AKAP13: variants seen among roughly 807,000 people sequenced by gnomAD.
AKAP13 encodes A-kinase anchoring protein 13.
In AKAP13, 80 loss-of-function variants were observed where a neutral mutation model predicts 264.5. That is an observed-to-expected ratio of 0.30 (90% CI 0.25 to 0.36). The LOEUF is 0.36. Among genes scored for constraint, AKAP13 ranks in the 10% least tolerant of loss-of-function variants. AKAP13 has a pLI of 1.00. For synonymous variants in AKAP13, 1,380 were observed against 1,250.2 expected, an observed-to-expected ratio of 1.10 and a Z score of -2.19; for missense variants, 3,712 against 3,435.2, an observed-to-expected ratio of 1.08 and a Z score of -2.01.
intron 1 of AKAP13, among the ~76,000 whole-genome samples, chr15:85,400,611 C>T (rs59328213): frequency 0.043 from 6,504 of 152,068 alleles, 448 homozygotes; most frequent in African/African-American, 0.15. Flanking sequence ...CAACTGGTCT[C>T]AGCTATAATA....
chr15:85,507,959 T>C (rs1421291114), intron 2 of AKAP13, among the ~76,000 whole-genome samples: 1 of 152,226 alleles, frequency 6.6e-6, no homozygotes, highest in East Asian at 1.9e-4. Flanking sequence ...GGCAAGGATA[T>C]ATTCCTAAAC....
intron 1 of AKAP13, among the ~76,000 whole-genome samples, chr15:85,423,538 A>G (rs1272747995): frequency 2.6e-5 from 4 of 152,192 alleles, no homozygotes; most frequent in Non-Finnish European, 5.9e-5. Context: ...TCCACTTCCA[A>G]TTCTAATTCT....
At chr15:85,700,727 T>C (rs1295841021) in intron 17 of AKAP13, among the ~76,000 whole-genome samples, 1 of 152,196 alleles carries the variant, frequency 6.6e-6, no homozygotes, top group Non-Finnish European at 1.5e-5. Context: ...CATCAACATA[T>C]CAGCTTTAGC....
intron 2 of AKAP13, among the ~76,000 whole-genome samples, chr15:85,490,469 G>A (rs1436680867): frequency 1.3e-5 from 2 of 152,222 alleles, no homozygotes; most frequent in Non-Finnish European, 2.9e-5. Context: ...TCTTCTCTAA[G>A]AAATTGATTC....
At chr15:85,683,186 T>G (rs1313726992) in intron 15 of AKAP13, among the ~76,000 whole-genome samples, 6 of 152,200 alleles carry the variant, frequency 3.9e-5, no homozygotes, top group Non-Finnish European at 8.8e-5. Flanking sequence ...GCTTATTCTT[T>G]CTCCTTTCTA....
intron 8 of AKAP13, chr15:85,619,781 A>T: frequency 9.3e-7 from 1 of 1,079,094 alleles, no homozygotes; most frequent in Admixed American, 5.1e-5. Flanking sequence ...CTTCTCTTTC[A>T]GTCAAGATCT....
At chr15:85,385,403 A>G (rs1219685324) in intron 1 of AKAP13, among the ~76,000 whole-genome samples, 1 of 152,184 alleles carries the variant, frequency 6.6e-6, no homozygotes, top group Non-Finnish European at 1.5e-5. Flanking sequence ...TATAGTTTAC[A>G]TTCACTAAAA....
At chr15:85,623,584 C>T (rs1027546310) in intron 8 of AKAP13, among the ~76,000 whole-genome samples, 1 of 152,178 alleles carries the variant, frequency 6.6e-6, no homozygotes, top group African/African-American at 2.4e-5. Flanking sequence ...TGTAAGATTT[C>T]CCTGAGGCTG....
chr15:85,542,296 C>G (rs1247925736), intron 4 of AKAP13, among the ~76,000 whole-genome samples: 2 of 152,174 alleles, frequency 1.3e-5, no homozygotes, highest in East Asian at 3.8e-4. Flanking sequence ...CCTTTAAATC[C>G]TGAATTGGTC....
At chr15:85,583,041 A>AT (rs1279378988) in intron 7 of AKAP13, 2 of 985,352 alleles carry the variant, frequency 2.0e-6, no homozygotes, top group African/African-American at 3.5e-5. Context: ...CTGAAACGGG[A>AT]GTCGGACACG....
intron 13 of AKAP13, among the ~76,000 whole-genome samples, chr15:85,668,177 G>A (rs2083710331): frequency 6.6e-6 from 1 of 152,152 alleles, no homozygotes; most frequent in Non-Finnish European, 1.5e-5. Context: ...TTGAAACATA[G>A]CAACTGTTTG....
intron 10 of AKAP13, among the ~76,000 whole-genome samples, chr15:85,652,849 G>T (rs1208475661): frequency 6.6e-6 from 1 of 152,114 alleles, no homozygotes; most frequent in East Asian, 1.9e-4. Flanking sequence ...GTGTCTTTTT[G>T]TGTCTCTTCT....
At chr15:85,733,869 T>TTTTC (rs2088228679) in intron 30 of AKAP13, among the ~76,000 whole-genome samples, 1 of 132,070 alleles carries the variant, frequency 7.6e-6, no homozygotes, top group African/African-American at 2.9e-5. Flanking sequence ...CTTTTCTTTC[T>TTTTC]TTTCTTTTTT....
intron 17 of AKAP13, among the ~76,000 whole-genome samples, chr15:85,706,009 G>T (rs769780495): frequency 1.3e-5 from 2 of 152,136 alleles, no homozygotes; most frequent in Admixed American, 1.3e-4. Context: ...GAAAAACATA[G>T]ATCTACTAAT....
intron 29 of AKAP13, 93 bp from the exon 30 acceptor site, chr15:85,730,420 C>A: frequency 7.4e-7 from 1 of 1,360,416 alleles, no homozygotes; most frequent in Non-Finnish European, 1.0e-6. Context: ...TTGTCACTTT[C>A]CATAAATTAC....
chr15:85,544,482 G>T (rs554831356), intron 5 of AKAP13, among the ~76,000 whole-genome samples: 1 of 152,302 alleles, frequency 6.6e-6, no homozygotes, highest in African/African-American at 2.4e-5. Flanking sequence ...TTCTTCATAT[G>T]AACAGCAATA....
chr15:85,431,358 A>G (rs2073016827), intron 1 of AKAP13, among the ~76,000 whole-genome samples: 1 of 152,118 alleles, frequency 6.6e-6, no homozygotes, highest in Non-Finnish European at 1.5e-5. Context: ...CAGCTCTGTA[A>G]CTCTAGGCAA....
In AKAP13 at chr15:85,419,320, A is replaced by C. The variant is rs547745882; in HGVS notation, c.-12+38522A>C. 2.6e-3 allele frequency among the ~76,000 whole-genome samples: 396 copies of C among 152,290 alleles called. 16 individuals are homozygous for C. The South Asian group carries it at 0.078, about 30-fold the overall frequency. On this transcript the variant is annotated intron_variant, in intron 1 of 36. Transcript: ENST00000394518. ...AATGCTCTCCTTTTGATACTCTGTG[A>C]GTTGCCATTATGTTGCCCCATTTCT...
intron 1 of AKAP13, among the ~76,000 whole-genome samples, chr15:85,437,971 A>G (rs1213543061): frequency 2.1e-5 from 3 of 145,838 alleles, no homozygotes; most frequent in Non-Finnish European, 3.0e-5. Context: ...GGCCAGGGCA[A>G]TTAGGCAGGA....
Sources: gnomAD v4.1 joint callset for allele counts (sites outside exome capture counted in the v4.1 genomes callset) on GRCh38, gnomAD v4.1.1 for gene constraint, MANE v1.5 for transcripts, NCBI Gene and HGNC (gene_info 2026-07-23, HGNC 2026-07-21) for gene names.